The following FSTL4 variants were observed in gnomAD, a reference collection of about 807,000 sequenced individuals.
FSTL4 encodes follistatin like 4, also known as follistatin-related protein 4.
A neutral mutation model predicts 78.2 loss-of-function variants in FSTL4; 28 were observed. That is an observed-to-expected ratio of 0.36 (90% CI 0.27 to 0.49). The LOEUF (loss-of-function observed/expected upper bound fraction) is 0.49. Among genes scored for constraint, FSTL4 ranks in the 20% least tolerant of loss-of-function variants. FSTL4 has a pLI of 0.98. For synonymous variants in FSTL4, 422 were observed against 440.5 expected, an observed-to-expected ratio of 0.96 and a Z score of 0.53; for missense variants, 922 against 1,084.9, an observed-to-expected ratio of 0.85 and a Z score of 2.11.
chr5:133,375,876 C>T (rs770807893), intron 4 of FSTL4, among the ~76,000 whole-genome samples: 15 of 152,176 alleles, frequency 9.9e-5, no homozygotes, highest in Non-Finnish European at 1.5e-4. Flanking sequence ...CTGGAAGATC[C>T]ATGGCCTTAG....
chr5:133,403,625 A>G (rs1342777826), intron 3 of FSTL4, among the ~76,000 whole-genome samples: 2 of 152,164 alleles, frequency 1.3e-5, no homozygotes, highest in Non-Finnish European at 2.9e-5. Context: ...TTGACCCGGT[A>G]GGGGTACATT....
At chr5:133,372,765 G>A (rs1321539755) in intron 4 of FSTL4, among the ~76,000 whole-genome samples, 1 of 152,186 alleles carries the variant, frequency 6.6e-6, no homozygotes, top group Non-Finnish European at 1.5e-5. Context: ...ATCAAATGTG[G>A]CATTTTATGG....
chr5:133,701,509 A>ACACACACACACACACACACACACC, the FSTL4 span, among the ~76,000 whole-genome samples: 13 of 132,696 alleles, frequency 9.8e-5, no homozygotes, highest in South Asian at 7.7e-4. Flanking sequence ...ACACACACAC[A>ACACACACACACACACACACACACC]CCCCACAGGC....
intron 4 of FSTL4, among the ~76,000 whole-genome samples, chr5:133,381,942 GGCTGTGT>G (rs1409789515): frequency 1.3e-5 from 2 of 152,230 alleles, no homozygotes; most frequent in Admixed American, 6.5e-5. Flanking sequence ...AGTTAGCTGT[GGCTGTGT>G]GACTTACTTT....
chr5:133,742,588 G>C, the FSTL4 span, among the ~76,000 whole-genome samples: 1 of 152,020 alleles, frequency 6.6e-6, no homozygotes, highest in Non-Finnish European at 1.5e-5. Context: ...GTGGGTACCT[G>C]TTATCCCTCA....
At chr5:133,839,703 G>C in the FSTL4 span, among the ~76,000 whole-genome samples, 1 of 152,198 alleles carries the variant, frequency 6.6e-6, no homozygotes, top group Non-Finnish European at 1.5e-5. Context: ...TGCCTTATGG[G>C]AGCTAAGTCA....
intron 4 of FSTL4, among the ~76,000 whole-genome samples, chr5:133,359,644 A>C (rs1287729585): frequency 6.6e-6 from 1 of 152,234 alleles, no homozygotes; most frequent in Non-Finnish European, 1.5e-5. Flanking sequence ...GTCAAAATTC[A>C]CTGAATTTAG....
Position 133,323,558 on chromosome 5 carries a change from T to C in FSTL4, c.410-6906A>G, listed in dbSNP as rs79020771. Among the ~76,000 whole-genome samples the C allele has an allele frequency of 2.1e-3, 327 of 152,358 alleles. 3 individuals carry two copies. The highest frequency in any genetic ancestry group is 7.0e-3 in the African/African-American group (293 of 41,586). ...GTGCACATGCCCCATCTGGGGCTTC[T>C]TGGGGAGAGAGGCTGCATGTCCTGG... On this transcript the variant is annotated intron_variant, in intron 4 of 15. Coordinates refer to ENST00000265342, the MANE Select transcript of FSTL4 (RefSeq NM_015082.2).
the FSTL4 span, among the ~76,000 whole-genome samples, chr5:133,796,510 G>A: frequency 6.6e-6 from 1 of 152,152 alleles, no homozygotes; most frequent in African/African-American, 2.4e-5. Flanking sequence ...CAGAGGGATG[G>A]ATGAGGAGCC....
At chr5:133,751,981 T>TA in the FSTL4 span, among the ~76,000 whole-genome samples, 1 of 152,194 alleles carries the variant, frequency 6.6e-6, no homozygotes, top group Non-Finnish European at 1.5e-5. Context: ...TCTCTGCTGC[T>TA]AATGGAAGCT....
intron 3 of FSTL4, among the ~76,000 whole-genome samples, chr5:133,485,992 C>T (rs757939843): frequency 2.0e-5 from 3 of 152,270 alleles, no homozygotes; most frequent in East Asian, 3.9e-4. Flanking sequence ...GGCATATTCC[C>T]AAGGGAGCAG....
chr5:133,714,220 T>C, the FSTL4 span, among the ~76,000 whole-genome samples: 1 of 152,168 alleles, frequency 6.6e-6, no homozygotes, highest in Non-Finnish European at 1.5e-5. Context: ...AAATACCAGA[T>C]GTGGCTGTTG....
At chr5:133,330,241 CTG>C (rs1249323756) in intron 4 of FSTL4, among the ~76,000 whole-genome samples, 1 of 152,168 alleles carries the variant, frequency 6.6e-6, no homozygotes, top group African/African-American at 2.4e-5. Flanking sequence ...TTGTATTAGG[CTG>C]TTCTTGCATT....
rs765016023 is a variant in FSTL4, at chr5:133,316,470, C to T, written c.592G>A (p.Glu198Lys). Residue 198 changes from glutamate (E) to lysine (K), a missense_variant, in exon 5 of 16, where the codon GAA becomes AAA. Coordinates refer to ENST00000265342, the MANE Select transcript of FSTL4 (RefSeq NM_015082.2). ...ADGNGHLSSS[E>K]LAQHVLKKQD... is the part of the protein sequence containing the mutation. ...AACACGATGCCCACCTGAGCCAGTTCGGAGCTGCTGAGGTGGCCATTGCCA... is the reference window on the plus strand; with the variant it reads ...AACACGATGCCCACCTGAGCCAGTTTGGAGCTGCTGAGGTGGCCATTGCCA... 8.7e-6 allele frequency: 14 copies of T among 1,613,470 alleles called. No homozygotes were observed. The highest frequency in any genetic ancestry group is 2.2e-5 in the East Asian group (1 of 44,886).
the FSTL4 span, among the ~76,000 whole-genome samples, chr5:133,752,026 C>A: frequency 6.6e-6 from 1 of 152,194 alleles, no homozygotes; most frequent in Middle Eastern, 3.2e-3. Context: ...TGGCAGGAAT[C>A]GTGCAAGCCC....
intron 8 of FSTL4, among the ~76,000 whole-genome samples, chr5:133,226,804 A>G (rs893306415): frequency 6.6e-6 from 1 of 152,204 alleles, no homozygotes. Flanking sequence ...CCAGTACTTT[A>G]GAATAGAGAA....
chr5:133,397,396 G>C (rs902919683), intron 4 of FSTL4, among the ~76,000 whole-genome samples: 6 of 152,178 alleles, frequency 3.9e-5, no homozygotes, highest in African/African-American at 1.4e-4. Context: ...TGTGACTCAG[G>C]AGATCTGGGA....
chr5:133,474,380 G>A (rs1054398779), intron 3 of FSTL4, among the ~76,000 whole-genome samples: 23 of 152,144 alleles, frequency 1.5e-4, no homozygotes, highest in African/African-American at 7.2e-5. Flanking sequence ...AGCACCCCCC[G>A]GAACACAGGT....
the FSTL4 span, among the ~76,000 whole-genome samples, chr5:133,815,776 C>A: frequency 1.3e-5 from 2 of 152,098 alleles, no homozygotes; most frequent in Non-Finnish European, 2.9e-5. Flanking sequence ...TATCCACAGG[C>A]GGGAAAGTTT....
Sources: allele counts gnomAD v4.1 joint callset (sites outside exome capture counted in the v4.1 genomes callset), GRCh38; gene constraint gnomAD v4.1.1; transcripts MANE v1.5; gene names NCBI Gene and HGNC (gene_info 2026-07-23, HGNC 2026-07-21).